UGT2A2: variants seen among roughly 807,000 people sequenced by gnomAD.
UGT2A2 encodes UDP glucuronosyltransferase family 2 member A2.
In UGT2A2, 60 loss-of-function variants were observed where a neutral mutation model predicts 50.7. The ratio of observed to expected loss-of-function variants is 1.18; its 90% CI spans 0.96 to 1.47. UGT2A2 has a LOEUF of 1.47. Ranked by LOEUF, UGT2A2 falls within the 40% of genes most tolerant of loss-of-function variation. UGT2A2 has a pLI of 0.00. For missense variants in UGT2A2, 762 were observed against 634.0 expected (o/e 1.20, Z -2.17); for synonymous variants, 242 against 214.6 (o/e 1.13, Z -1.11).
chr4:69,636,588 C>T (rs1205755444), intron 1 of UGT2A2, among the ~76,000 whole-genome samples: 1 of 152,054 alleles, frequency 6.6e-6, no homozygotes, highest in African/African-American at 2.4e-5. Context: ...CTTTTTCACA[C>T]TTATCTAATT....
chr4:69,603,459 G>T (rs1719415541), intron 1 of UGT2A2: 1 of 136,802 alleles, frequency 7.3e-6, no homozygotes, highest in South Asian at 2.4e-4. Context: ...AAACCACAAA[G>T]ATAGGGAAAA....
intron 1 of UGT2A2, among the ~76,000 whole-genome samples, chr4:69,613,472 T>C (rs940289468): frequency 4.6e-5 from 7 of 151,890 alleles, no homozygotes; most frequent in Non-Finnish European, 1.0e-4. Context: ...CAAAACATAG[T>C]ATTCCAACTA....
chr4:69,589,409 T>G lies in UGT2A2; in HGVS notation c.1574A>C (p.Lys525Thr). 1 of 1,613,752 alleles carries G rather than the reference T, an allele frequency of 6.2e-7. No homozygotes were observed. Among genetic ancestry groups the G allele is most frequent in the Non-Finnish European group, 8.5e-7 (1 of 1,179,812 alleles). The change falls in exon 6 of 6, where the codon AAA (lysine) becomes ACA (threonine). Residue 525 changes from lysine to threonine, a missense_variant. Physicochemically the swap from Lys to Thr is moderately conservative, Grantham distance 78 (BLOSUM62 -1). Transcript: ENST00000604629. ...VIQCCLFSCQ[K>T]FGKIGKKKKR... ...TTTCTTCTTTCCTATCTTACCAAAT[T>G]TTTGACAGGAAAACAAACAACATTG...
Position 69,639,055 on chromosome 4 carries a change from G to A in UGT2A2, c.586C>T (p.Pro196Ser), listed in dbSNP as rs1578001704. ...GCCGGTACATAGGAGACTGGTGCTG[G>A]GATTTTCCCACAGTGTCTCTCCACT... ...STVERHCGKI[P>S]APVSYVPAAL... is the part of the protein sequence containing the mutation. Residue 196 changes from proline (P) to serine (S), a missense_variant, in exon 1 of 6, where the codon CCA becomes TCA. Coordinates refer to ENST00000604629, the MANE Select transcript of UGT2A2 (RefSeq NM_001105677.2). The A allele has an allele frequency of 1.9e-6, 3 of 1,613,382 alleles. No individual in the cohort carries two copies. The East Asian group carries it at 6.7e-5, about 36-fold the overall frequency.
intron 5 of UGT2A2, among the ~76,000 whole-genome samples, chr4:69,593,780 AAT>A (rs1718724359): frequency 6.6e-6 from 1 of 151,850 alleles, no homozygotes; most frequent in African/African-American, 2.4e-5. Context: ...ACTCAGTGTG[AAT>A]AGTTATTTCT....
intron 3 of UGT2A2, among the ~76,000 whole-genome samples, chr4:69,595,466 A>G (rs4148302): frequency 0.39 from 59,327 of 152,074 alleles, 11,846 homozygotes; most frequent in East Asian, 0.56. Flanking sequence ...TATTGTTTTG[A>G]TATTTATCAC....
chr4:69,614,421 T>A (rs1299358775), intron 1 of UGT2A2, among the ~76,000 whole-genome samples: 1 of 150,672 alleles, frequency 6.6e-6, no homozygotes, highest in Non-Finnish European at 1.5e-5. Flanking sequence ...TTCATTGCAA[T>A]CCCTATCAAA....
intron 1 of UGT2A2, among the ~76,000 whole-genome samples, chr4:69,624,511 T>A (rs185659013): frequency 3.8e-4 from 57 of 151,598 alleles, no homozygotes; most frequent in African/African-American, 1.4e-3. Flanking sequence ...CTACTTTTTT[T>A]AAGTTACCTC....
At position 69,619,513 on chromosome 4, in the gene UGT2A2, A is replaced by T. The variant is rs190912403; in HGVS notation, c.742+19386T>A. Among the ~76,000 whole-genome samples the T allele has an allele frequency of 5.3e-5, 8 of 152,140 alleles. No individual in the cohort carries two copies. In the East Asian group the frequency reaches 1.6e-3, roughly 30 times the overall value. ...ATACAAACAAAAGTGAAATTTTAAA[A>T]TAACGTTAAAGAAGACTCTAAAAAT... On this transcript the variant is annotated intron_variant, in intron 1 of 5. Coordinates refer to ENST00000604629, the MANE Select transcript of UGT2A2 (RefSeq NM_001105677.2).
At chr4:69,638,837 A>G in intron 1 of UGT2A2, 62 bp downstream of exon 1, 4 of 1,461,694 alleles carry the variant, frequency 2.7e-6, no homozygotes, top group East Asian at 2.5e-5. Flanking sequence ...ATCGTTTGCC[A>G]TATGACAATA....
At chr4:69,596,659 TTA>T (rs545091182) in intron 2 of UGT2A2, among the ~76,000 whole-genome samples, 127 of 152,190 alleles carry the variant, frequency 8.3e-4, no homozygotes, top group African/African-American at 3.0e-3. Flanking sequence ...GTAACTGGGA[TTA>T]TAGTCTCATG....
chr4:69,588,862 A>G lies in UGT2A2; in HGVS notation c.*510T>C, dbSNP rs1718409687. The G allele has an allele frequency of 6.6e-6, 1 of 152,184 alleles. No homozygotes were observed. Among genetic ancestry groups the G allele is most frequent in the Non-Finnish European group, 1.5e-5 (1 of 68,104 alleles). The allele number at this position is 152,184 out of a possible 1,614,324, so 9.4% of individuals were successfully genotyped here. A position where few individuals can be genotyped will look rare whatever the true frequency, so the allele number is the denominator to read the frequency against. On this transcript the variant is annotated 3_prime_UTR_variant, in exon 6 of 6. Transcript: ENST00000604629. Reference sequence around the variant, plus strand: ...CTAACTCCTGAAACATTGAGCAAGCAGAAGAGTTTGTTTTTATTAAAAAAG... The same window carrying G: ...CTAACTCCTGAAACATTGAGCAAGCGGAAGAGTTTGTTTTTATTAAAAAAG...
chr4:69,636,812 T>C (rs1354022499), intron 1 of UGT2A2, among the ~76,000 whole-genome samples: 1 of 152,156 alleles, frequency 6.6e-6, no homozygotes, highest in Non-Finnish European at 1.5e-5. Flanking sequence ...TGATATCATA[T>C]GATCCTCCTA....
At chr4:69,635,849 AAG>A (rs760585451) in intron 1 of UGT2A2, 2,539 of 118,152 alleles carry the variant, frequency 0.021, 160 homozygotes, top group African/African-American at 0.074. Flanking sequence ...AAAAAAAAAA[AAG>A]AGAGAGAGAG....
In UGT2A2 at chr4:69,599,410, C is replaced by T. The variant is rs1719126960; in HGVS notation, c.743-16G>A. On this transcript the variant is annotated splice_polypyrimidine_tract_variant and intron_variant, in intron 1 of 5. Transcript: ENST00000604629. Reference sequence around the variant, plus strand: ...GTGGGTCTTCCTGGAGAAAATGTAACAAGTTGGATGGAGGAAATTAGCTTA... The same window carrying T: ...GTGGGTCTTCCTGGAGAAAATGTAATAAGTTGGATGGAGGAAATTAGCTTA... 1.2e-6 allele frequency: 2 copies of T among 1,610,602 alleles called. No homozygotes were observed. The highest frequency in any genetic ancestry group is 3.4e-5 in the Admixed American group (2 of 58,812).
chr4:69,594,518 C>A lies in UGT2A2; in HGVS notation c.1290G>T (p.Val430=). Residue 430 remains valine (V), a synonymous_variant, in exon 5 of 6, where the codon GTG becomes GTT. Coordinates refer to ENST00000604629, the MANE Select transcript of UGT2A2 (RefSeq NM_001105677.2). Reference sequence around the variant, plus strand: ...CTGTTCTCAAAGCGCTAAGCAAATCCACACTTGTCATTGTGTTTAGGTTCA... The same window carrying A: ...CTGTTCTCAAAGCGCTAAGCAAATCAACACTTGTCATTGTGTTTAGGTTCA... ...VEVNLNTMTS[V]DLLSALRTVI... is the part of the protein sequence containing the mutation. The A allele has an allele frequency of 6.2e-7, 1 of 1,614,118 alleles. No homozygotes were observed. Among genetic ancestry groups the A allele is most frequent in the Non-Finnish European group, 8.5e-7 (1 of 1,180,008 alleles).
intron 5 of UGT2A2, among the ~76,000 whole-genome samples, chr4:69,590,530 C>T (rs942103588): frequency 6.6e-6 from 1 of 151,828 alleles, no homozygotes; most frequent in Non-Finnish European, 1.5e-5. Context: ...AGAGATGTCC[C>T]GGTGTTGGCA....
chr4:69,612,087 C>G (rs982739120), intron 1 of UGT2A2, among the ~76,000 whole-genome samples: 5 of 152,070 alleles, frequency 3.3e-5, no homozygotes, highest in African/African-American at 1.2e-4. Flanking sequence ...GAAACTGACA[C>G]TAGCCTCAAA....
intron 1 of UGT2A2, among the ~76,000 whole-genome samples, chr4:69,636,717 T>A (rs1721730747): frequency 1.3e-5 from 2 of 152,164 alleles, no homozygotes; most frequent in Non-Finnish European, 2.9e-5. Context: ...AAGGGTTTTA[T>A]CATTGCAGAT....
Sources: gnomAD v4.1 joint callset for allele counts (sites outside exome capture counted in the v4.1 genomes callset) on GRCh38, gnomAD v4.1.1 for gene constraint, MANE v1.5 for transcripts, NCBI Gene and HGNC (gene_info 2026-07-23, HGNC 2026-07-21) for gene names.